NAV2: variants seen among roughly 807,000 people sequenced by gnomAD.
NAV2 encodes the protein neuron navigator 2, also known as helicase, APC down-regulated 1.
In NAV2, 54 loss-of-function variants were observed where a neutral mutation model predicts 223.2. That is an observed-to-expected ratio of 0.24 (90% CI 0.19 to 0.30). NAV2 has a LOEUF of 0.30. Among genes scored for constraint, NAV2 ranks in the 10% least tolerant of loss-of-function variants. The probability of loss-of-function intolerance (pLI) is 1.00; values close to 1 mark genes in which losing one functional copy is unlikely to be tolerated. For synonymous variants in NAV2, 1,279 were observed against 1,239.3 expected, an observed-to-expected ratio of 1.03 and a Z score of -0.67; for missense variants, 2,806 against 3,147.5, an observed-to-expected ratio of 0.89 and a Z score of 2.60.
chr11:19,412,445 C>T (rs1287599198), intron 1 of NAV2, among the ~76,000 whole-genome samples: 2 of 152,138 alleles, frequency 1.3e-5, no homozygotes, highest in Non-Finnish European at 2.9e-5. Context: ...GATAAAACTC[C>T]CATCTCCCTG....
At chr11:19,804,647 T>C (rs1260501666) in intron 1 of NAV2, among the ~76,000 whole-genome samples, 1 of 152,240 alleles carries the variant, frequency 6.6e-6, no homozygotes, top group African/African-American at 2.4e-5. Flanking sequence ...CTGTCTGTCC[T>C]TCCATCCATC....
At chr11:19,855,992 G>A (rs997107316) in intron 3 of NAV2, among the ~76,000 whole-genome samples, 4 of 152,230 alleles carry the variant, frequency 2.6e-5, no homozygotes, top group African/African-American at 9.6e-5. Flanking sequence ...CCTTGGGGTG[G>A]GTGGAGGGAG....
At chr11:19,974,448 A>C (rs576333696) in intron 10 of NAV2, among the ~76,000 whole-genome samples, 2 of 152,354 alleles carry the variant, frequency 1.3e-5, no homozygotes, top group South Asian at 4.1e-4. Context: ...ATAATGTATT[A>C]ATATTGGTTC....
At position 19,913,530 on chromosome 11, in the gene NAV2, C is replaced by T. The variant is rs537780066; in HGVS notation, c.932-19646C>T. ...CATACAGAGAGAGGCAGAAATCCTG[C>T]AAATTGTAAACTAGCAAAATGTACA... is the stretch of plus-strand genomic sequence containing the variant. On this transcript the variant is annotated intron_variant, in intron 6 of 37. Transcript: ENST00000349880. 5.9e-5 allele frequency among the ~76,000 whole-genome samples: 9 copies of T among 152,328 alleles called. No homozygotes were observed. In the South Asian group the frequency reaches 1.9e-3, roughly 32 times the overall value.
At chr11:19,483,988 G>A (rs1268073431) in intron 1 of NAV2, among the ~76,000 whole-genome samples, 1 of 152,104 alleles carries the variant, frequency 6.6e-6, no homozygotes, top group East Asian at 1.9e-4. Context: ...CCCCTCTGGA[G>A]TGTCACAGAC....
intron 25 of NAV2, 115 bp downstream of exon 25, chr11:20,080,324 T>C: frequency 1.0e-6 from 1 of 957,934 alleles, no homozygotes. Flanking sequence ...CATAGCACTT[T>C]GGGCGTAGAT....
At chr11:19,406,543 T>C (rs1046057307) in intron 1 of NAV2, among the ~76,000 whole-genome samples, 15 of 152,162 alleles carry the variant, frequency 9.9e-5, no homozygotes, top group African/African-American at 3.6e-4. Flanking sequence ...AGAAGCTTGC[T>C]GATACTTCTC....
At chr11:19,508,660 C>G (rs1354054663) in intron 1 of NAV2, among the ~76,000 whole-genome samples, 1 of 152,178 alleles carries the variant, frequency 6.6e-6, no homozygotes, top group Admixed American at 6.5e-5. Context: ...CCAACAGCCA[C>G]CTGTCTGCCT....
intron 1 of NAV2, among the ~76,000 whole-genome samples, chr11:19,548,040 G>C (rs2044562141): frequency 6.6e-6 from 1 of 152,164 alleles, no homozygotes; most frequent in Non-Finnish European, 1.5e-5. Context: ...TGAGTAACAG[G>C]GTTGAATTCA....
chr11:19,715,296 A>G (rs2050207561), intron 1 of NAV2, among the ~76,000 whole-genome samples: 1 of 152,170 alleles, frequency 6.6e-6, no homozygotes, highest in African/African-American at 2.4e-5. Flanking sequence ...GGAGGAAGGC[A>G]AGATTTCCTC....
At chr11:20,051,558 G>T (rs1288927351) in intron 17 of NAV2, among the ~76,000 whole-genome samples, 1 of 152,130 alleles carries the variant, frequency 6.6e-6, no homozygotes, top group Non-Finnish European at 1.5e-5. Context: ...GGCTTAATGT[G>T]GTAAAACCAT....
intron 1 of NAV2, among the ~76,000 whole-genome samples, chr11:19,480,309 G>A (rs2042240264): frequency 6.6e-6 from 1 of 152,104 alleles, no homozygotes; most frequent in African/African-American, 2.4e-5. Context: ...AAGCTTTGGG[G>A]GACACTACCC....
Position 19,429,798 on chromosome 11 carries a change from C to T in NAV2, c.75+78771C>T, listed in dbSNP as rs145137540. ...GTTTGGGAAGATTAAGTCCTGAGAC[C>T]GTGCAACCAGTTTGCTGAGTGGCCT... On this transcript the variant is annotated intron_variant, in intron 1 of 37. Coordinates refer to the NAV2 transcript ENST00000360655. Among the ~76,000 whole-genome samples, 676 of 152,274 alleles carry T rather than the reference C, an allele frequency of 4.4e-3. 11 individuals are homozygous for T. Among genetic ancestry groups the T allele is most frequent in the Non-Finnish European group, 3.7e-3 (249 of 68,016 alleles).
intron 1 of NAV2, among the ~76,000 whole-genome samples, chr11:19,652,793 C>T (rs565051009): frequency 1.3e-5 from 2 of 152,220 alleles, no homozygotes; most frequent in Non-Finnish European, 2.9e-5. Context: ...GGAACCATCC[C>T]ATACATAGCA....
At chr11:19,492,332 G>A (rs2042657408) in intron 1 of NAV2, among the ~76,000 whole-genome samples, 1 of 151,602 alleles carries the variant, frequency 6.6e-6, no homozygotes, top group South Asian at 2.1e-4. Flanking sequence ...AACCCACAAT[G>A]AAACAAGGTA....
intron 10 of NAV2, chr11:19,978,908 T>C (rs1425009481): frequency 2.0e-5 from 3 of 152,210 alleles, no homozygotes; most frequent in Non-Finnish European, 4.4e-5. Flanking sequence ...TGGTTCCACA[T>C]TGTTGCATCA....
intron 1 of NAV2, among the ~76,000 whole-genome samples, chr11:19,640,333 C>T (rs964630764): frequency 5.9e-5 from 9 of 152,018 alleles, no homozygotes; most frequent in African/African-American, 7.2e-5. Flanking sequence ...TCATGTGTAT[C>T]GTGAAACTCT....
At chr11:19,911,237 A>G (rs752567957) in intron 6 of NAV2, among the ~76,000 whole-genome samples, 3 of 152,168 alleles carry the variant, frequency 2.0e-5, no homozygotes, top group Non-Finnish European at 4.4e-5. Context: ...ATAAGTGTCT[A>G]TAGGACATTT....
chr11:20,037,859 G>A (rs1297642547), intron 12 of NAV2, among the ~76,000 whole-genome samples: 2 of 151,860 alleles, frequency 1.3e-5, no homozygotes, highest in Admixed American at 1.3e-4. Context: ...TTTTCCTGAG[G>A]CTCATTGTAT....
Sources: gnomAD v4.1 joint callset for allele counts (sites outside exome capture counted in the v4.1 genomes callset) on GRCh38, gnomAD v4.1.1 for gene constraint, MANE v1.5 for transcripts, NCBI Gene and HGNC (gene_info 2026-07-23, HGNC 2026-07-21) for gene names.